CELF2: variants seen among roughly 807,000 people sequenced by gnomAD.
The protein encoded by CELF2 is CUGBP Elav-like family member 2.
CELF2 carries 8 observed loss-of-function variants against 62.6 expected under a neutral mutation model. The ratio of observed to expected loss-of-function variants is 0.13; its 90% CI spans 0.07 to 0.23. The LOEUF (loss-of-function observed/expected upper bound fraction) is 0.23. Ranked by LOEUF, CELF2 falls within the 10% of genes least tolerant of loss-of-function variation. The pLI is 1.00. For synonymous variants in CELF2, 258 were observed against 250.0 expected (o/e 1.03, Z -0.30); for missense variants, 333 against 671.0 (o/e 0.50, Z 5.56).
At position 11,330,917 on chromosome 10, in the gene CELF2, G is replaced by A. The variant is rs996547160; in HGVS notation, c.*1864G>A. On this transcript the variant is annotated 3_prime_UTR_variant, in exon 13 of 13. Transcript: ENST00000633077. The surrounding 1 kb of genome is among the most constrained non-coding windows in gnomAD (Gnocchi z 4.5). ...AACTGTCTGATTTTAAGTCTCTAGA[G>A]GTCTGTAATAGTTTTTACATTTTTC... The A allele has an allele frequency of 3.3e-5, 5 of 152,410 alleles. No homozygotes were observed. The highest frequency in any genetic ancestry group is 1.2e-4 in the African/African-American group (5 of 41,380). 9.4% of individuals were successfully genotyped at this position (152,410 alleles called of 1,614,324 possible). A position where few individuals can be genotyped will look rare whatever the true frequency, so the allele number is the denominator to read the frequency against.
At chr10:10,964,977 T>C (rs2049963405) in intron 2 of CELF2, among the ~76,000 whole-genome samples, 1 of 152,002 alleles carries the variant, frequency 6.6e-6, no homozygotes, top group Non-Finnish European at 1.5e-5. Flanking sequence ...CTAGCATGGC[T>C]TAATGAAAAA....
intron 2 of CELF2, among the ~76,000 whole-genome samples, chr10:11,216,867 T>A (rs74115776): frequency 0.054 from 8,202 of 152,280 alleles, 453 homozygotes; most frequent in East Asian, 0.24. Flanking sequence ...AAATACAGTC[T>A]TCCGTATTGG....
the CELF2 span, among the ~76,000 whole-genome samples, chr10:10,624,067 A>G: frequency 6.6e-6 from 1 of 152,146 alleles, no homozygotes; most frequent in African/African-American, 2.4e-5. Flanking sequence ...AATTTTGAAA[A>G]ATTTATCTCT....
the CELF2 span, among the ~76,000 whole-genome samples, chr10:10,601,265 G>A: frequency 6.6e-6 from 1 of 152,142 alleles, no homozygotes; most frequent in Non-Finnish European, 1.5e-5. Context: ...CCCTAAGGGG[G>A]AATGGAGGGA....
the CELF2 span, among the ~76,000 whole-genome samples, chr10:10,718,187 A>G: frequency 6.6e-6 from 1 of 152,336 alleles, no homozygotes; most frequent in African/African-American, 2.4e-5. Context: ...GCATAAACAC[A>G]TCTGAGAGCC....
chr10:10,497,006 A>C, the CELF2 span, among the ~76,000 whole-genome samples: 1 of 152,150 alleles, frequency 6.6e-6, no homozygotes, highest in Non-Finnish European at 1.5e-5. Context: ...CCTGGATAAC[A>C]TGACAAAACT....
At chr10:10,737,582 A>G in the CELF2 span, among the ~76,000 whole-genome samples, 2 of 152,244 alleles carry the variant, frequency 1.3e-5, no homozygotes, top group East Asian at 1.9e-4. Context: ...GAAAGCCTCC[A>G]GCAAGGGGGG....
intron 2 of CELF2, among the ~76,000 whole-genome samples, chr10:10,955,169 T>C (rs1200612818): frequency 6.6e-6 from 1 of 152,260 alleles, no homozygotes; most frequent in Non-Finnish European, 1.5e-5. Context: ...TCCATGTTAT[T>C]GATGAGAAAA....
chr10:10,845,312 AGCCT>A, intron 1 of CELF2, among the ~76,000 whole-genome samples: 1 of 150,182 alleles, frequency 6.7e-6, no homozygotes. Flanking sequence ...CCTGTCCATT[AGCCT>A]TCAGTTCATT....
At chr10:10,508,938 T>A in the CELF2 span, among the ~76,000 whole-genome samples, 11 of 152,200 alleles carry the variant, frequency 7.2e-5, no homozygotes, top group South Asian at 2.3e-3. Context: ...CCTCCCAAAG[T>A]GCTGGGATTA....
the CELF2 span, among the ~76,000 whole-genome samples, chr10:10,717,614 C>A: frequency 6.6e-6 from 1 of 152,098 alleles, no homozygotes; most frequent in Admixed American, 6.6e-5. Context: ...TTTTCACTAC[C>A]TTTTAAGTCA....
chr10:10,905,861 G>C (rs1564798485), intron 1 of CELF2, among the ~76,000 whole-genome samples: 1 of 148,024 alleles, frequency 6.8e-6, no homozygotes, highest in East Asian at 2.0e-4. Flanking sequence ...CTGGGTGACA[G>C]AGCAAGGCTC....
chr10:11,321,442 C>T lies in CELF2; in HGVS notation c.1294+56C>T, dbSNP rs938405964. ...CCAGCCCAACAGGCAGCACTGGCCTCTAGAGCACGGTTAGAAGGTATCAAA... is the reference window on the plus strand; with the variant it reads ...CCAGCCCAACAGGCAGCACTGGCCTTTAGAGCACGGTTAGAAGGTATCAAA... On this transcript the variant is annotated intron_variant, in intron 11 of 12. Transcript: ENST00000633077. The surrounding 1 kb of genome is among the most constrained non-coding windows in gnomAD (Gnocchi z 6.2). The T allele has an allele frequency of 3.5e-6, 5 of 1,420,716 alleles. No homozygotes were observed. In the African/African-American group the frequency reaches 5.6e-5, roughly 16 times the overall value. 88.0% of individuals were successfully genotyped at this position (1,420,716 alleles called of 1,614,324 possible). A position where few individuals can be genotyped will look rare whatever the true frequency, so the allele number is the denominator to read the frequency against.
At chr10:10,640,865 T>C in the CELF2 span, among the ~76,000 whole-genome samples, 2 of 152,360 alleles carry the variant, frequency 1.3e-5, no homozygotes, top group African/African-American at 4.8e-5. Flanking sequence ...GGCCCAGTTA[T>C]GACAATGGAT....
At chr10:10,644,571 G>A in the CELF2 span, among the ~76,000 whole-genome samples, 2 of 152,152 alleles carry the variant, frequency 1.3e-5, no homozygotes, top group African/African-American at 4.8e-5. Flanking sequence ...AAAAGCAGCT[G>A]ATAGACTCAT....
chr10:11,155,722 T>C (rs879590252), intron 1 of CELF2, among the ~76,000 whole-genome samples: 2 of 152,224 alleles, frequency 1.3e-5, no homozygotes, highest in African/African-American at 4.8e-5. Context: ...GTCATTAATA[T>C]GACATAATTA....
At chr10:11,063,044 G>A (rs1272758175) in intron 1 of CELF2, among the ~76,000 whole-genome samples, 1 of 152,176 alleles carries the variant, frequency 6.6e-6, no homozygotes, top group Non-Finnish European at 1.5e-5. Flanking sequence ...GCAATTTTTA[G>A]CAATGCTGTA....
chr10:10,571,456 A>T, the CELF2 span, among the ~76,000 whole-genome samples: 2 of 151,770 alleles, frequency 1.3e-5, no homozygotes, highest in African/African-American at 2.4e-5. Flanking sequence ...CAGAACCTAT[A>T]GTTATTAAGC....
chr10:10,771,145 C>A, the CELF2 span, among the ~76,000 whole-genome samples: 3 of 152,098 alleles, frequency 2.0e-5, no homozygotes, highest in Non-Finnish European at 4.4e-5. Context: ...TTTTCTCTTC[C>A]CCATCTTCTG....
Sources: gnomAD v4.1 joint callset for allele counts (sites outside exome capture counted in the v4.1 genomes callset) on GRCh38, gnomAD v4.1.1 for gene constraint, Gnocchi (gnomAD v3.1) non-coding constraint, MANE v1.5 for transcripts, NCBI Gene and HGNC (gene_info 2026-07-23, HGNC 2026-07-21) for gene names.